PLCG2: variants seen among roughly 807,000 people sequenced by gnomAD.
The protein encoded by PLCG2 is phospholipase C gamma 2.
Under a neutral mutation model 175.6 loss-of-function variants are expected in PLCG2, and 69 were observed. The observed-to-expected ratio is 0.39, with a 90% CI of 0.32 to 0.48. The LOEUF (loss-of-function observed/expected upper bound fraction) is 0.48, where lower values mean the gene tolerates loss of function less well. PLCG2 is among the 20% of genes least tolerant of loss of function. The probability of loss-of-function intolerance (pLI) is 0.91; values close to 1 mark genes in which losing one functional copy is unlikely to be tolerated. For missense variants in PLCG2, 1,798 were observed against 1,650.9 expected, an observed-to-expected ratio of 1.09 and a Z score of -1.54; for synonymous variants, 827 against 624.0, an observed-to-expected ratio of 1.33 and a Z score of -4.85.
At chr16:81,895,020 C>T (rs1352968897) in intron 12 of PLCG2, among the ~76,000 whole-genome samples, 3 of 151,988 alleles carry the variant, frequency 2.0e-5, no homozygotes, top group Admixed American at 1.3e-4. Context: ...TGATTTTTCT[C>T]CTCCCTCAGG....
intron 1 of PLCG2, among the ~76,000 whole-genome samples, chr16:81,750,178 C>G (rs569988337): frequency 2.6e-5 from 4 of 152,226 alleles, no homozygotes; most frequent in African/African-American, 9.6e-5. Flanking sequence ...GAGAACAAGG[C>G]GGACAGATCA....
chr16:81,758,686 T>G (rs963533517), intron 2 of PLCG2, among the ~76,000 whole-genome samples: 52 of 151,968 alleles, frequency 3.4e-4, no homozygotes, highest in African/African-American at 1.2e-3. Context: ...TCTTTTTTTT[T>G]TTTTTTCCTG....
intron 19 of PLCG2, among the ~76,000 whole-genome samples, chr16:81,917,049 C>G (rs1192729720): frequency 6.6e-6 from 1 of 152,156 alleles, no homozygotes; most frequent in Non-Finnish European, 1.5e-5. Flanking sequence ...CCAACACTCC[C>G]TACCTCCCCC....
chr16:81,915,748 C>T (rs1035292260), intron 19 of PLCG2, among the ~76,000 whole-genome samples: 9 of 152,172 alleles, frequency 5.9e-5, no homozygotes, highest in African/African-American at 1.9e-4. Context: ...TGGAAGGAGC[C>T]GGAACCTGAC....
chr16:81,817,903 T>C (rs1904622030), intron 2 of PLCG2, among the ~76,000 whole-genome samples: 1 of 152,210 alleles, frequency 6.6e-6, no homozygotes, highest in South Asian at 2.1e-4. Context: ...CGTTCCTTAC[T>C]GTTTCGGGGA....
chr16:81,786,746 G>A (rs1692082657), intron 2 of PLCG2, among the ~76,000 whole-genome samples: 1 of 152,184 alleles, frequency 6.6e-6, no homozygotes, highest in South Asian at 2.1e-4. Context: ...AGATCCTAAA[G>A]TTTCTAAGAC....
intron 19 of PLCG2, among the ~76,000 whole-genome samples, chr16:81,917,176 C>G (rs1434921177): frequency 6.6e-6 from 1 of 151,408 alleles, no homozygotes; most frequent in Non-Finnish European, 1.5e-5. Context: ...TTATTTCACA[C>G]AGCACAATGT....
intron 15 of PLCG2, 33 bp downstream of exon 15, chr16:81,905,540 G>A (rs371722107): frequency 6.9e-7 from 1 of 1,458,102 alleles, no homozygotes; most frequent in Non-Finnish European, 9.6e-7. Context: ...AGCCACTGCG[G>A]CCACGCCCCT....
In PLCG2 at chr16:81,779,312, C is replaced by A. The variant is rs1910620760; in HGVS notation, c.-160C>A. ...AAGCAGAAGTAGCGAGCGCCGGCGGCGGAGGGCGTGAGCGGCGCTGAGTGA... is the reference window on the plus strand; with the variant it reads ...AAGCAGAAGTAGCGAGCGCCGGCGGAGGAGGGCGTGAGCGGCGCTGAGTGA... On this transcript the variant is annotated 5_prime_UTR_variant, in exon 1 of 33. Coordinates refer to ENST00000564138, the MANE Select transcript of PLCG2 (RefSeq NM_002661.5). The A allele has an allele frequency of 6.6e-6, 1 of 150,496 alleles. No homozygotes were observed. Among genetic ancestry groups the A allele is most frequent in the African/African-American group, 2.4e-5 (1 of 41,216 alleles). The allele number at this position is 150,496 out of a possible 1,614,324, so 9.3% of individuals were successfully genotyped here.
intron 2 of PLCG2, among the ~76,000 whole-genome samples, chr16:81,769,422 T>G (rs1910224275): frequency 6.6e-6 from 1 of 152,082 alleles, no homozygotes; most frequent in Admixed American, 6.6e-5. Context: ...ACGTTCTGAT[T>G]CAGTAAGGCC....
intron 7 of PLCG2, among the ~76,000 whole-genome samples, chr16:81,880,183 G>T (rs1908009035): frequency 6.6e-6 from 1 of 152,206 alleles, no homozygotes; most frequent in African/African-American, 2.4e-5. Flanking sequence ...TGAGGCTGTG[G>T]TGAACTATGG....
intron 2 of PLCG2, among the ~76,000 whole-genome samples, chr16:81,805,767 G>GTTTTGTTTTGTTTTTTTT (rs1555508066): frequency 5.1e-5 from 2 of 39,516 alleles, no homozygotes; most frequent in Non-Finnish European, 1.1e-4. Context: ...GTTTTGTTTT[G>GTTTTGTTTTGTTTTTTTT]TTTTTTTTTT....
At chr16:81,792,824 C>T (rs549704840) in intron 2 of PLCG2, among the ~76,000 whole-genome samples, 33 of 152,184 alleles carry the variant, frequency 2.2e-4, no homozygotes, top group Non-Finnish European at 3.4e-4. Flanking sequence ...ATTATGGGAA[C>T]GACAATTTAA....
At chr16:81,812,518 C>T (rs1245655947) in intron 2 of PLCG2, among the ~76,000 whole-genome samples, 1 of 152,078 alleles carries the variant, frequency 6.6e-6, no homozygotes, top group Non-Finnish European at 1.5e-5. Flanking sequence ...ATCCTTTGTC[C>T]ACTTTTTGAT....
intron 1 of PLCG2, among the ~76,000 whole-genome samples, chr16:81,746,391 GA>G (rs1381390905): frequency 6.6e-6 from 1 of 152,220 alleles, no homozygotes; most frequent in Non-Finnish European, 1.5e-5. Context: ...CCGCAGCGGT[GA>G]ACGCACTGCA....
intron 29 of PLCG2, 93 bp from the exon 30 acceptor site, chr16:81,939,799 C>A: frequency 1.3e-6 from 1 of 799,686 alleles, no homozygotes; most frequent in South Asian, 1.6e-5. Context: ...TACATGGTTG[C>A]TAAGGGGATT....
At chr16:81,797,752 C>T (rs1437810551) in intron 2 of PLCG2, among the ~76,000 whole-genome samples, 2 of 152,324 alleles carry the variant, frequency 1.3e-5, no homozygotes, top group East Asian at 3.9e-4. Flanking sequence ...CACCGTGGTT[C>T]CACTCGTGGT....
intron 31 of PLCG2, among the ~76,000 whole-genome samples, chr16:81,947,678 C>T (rs1022129502): frequency 6.6e-6 from 1 of 152,228 alleles, no homozygotes; most frequent in Non-Finnish European, 1.5e-5. Context: ...TGTCAATAAG[C>T]ACTTTACACA....
At chr16:81,921,125 G>C (rs1910042694) in intron 20 of PLCG2, 73 bp from the exon 21 acceptor site, 1 of 924,814 alleles carries the variant, frequency 1.1e-6, no homozygotes, top group Non-Finnish European at 1.8e-6. Context: ...AGGAAGCCTA[G>C]AACCCTTGTT....
Sources: allele counts gnomAD v4.1 joint callset (sites outside exome capture counted in the v4.1 genomes callset), GRCh38; gene constraint gnomAD v4.1.1; transcripts MANE v1.5; gene names NCBI Gene and HGNC (gene_info 2026-07-23, HGNC 2026-07-21).